ALK: variants seen among roughly 807,000 people sequenced by gnomAD.
The protein encoded by ALK is ALK receptor tyrosine kinase.
ALK carries 74 observed loss-of-function variants against 163.1 expected under a neutral mutation model. That is an observed-to-expected ratio of 0.45 (90% CI 0.38 to 0.55). The LOEUF (loss-of-function observed/expected upper bound fraction) is 0.55, where lower values mean the gene tolerates loss of function less well. Among genes scored for constraint, ALK ranks in the 20% least tolerant of loss-of-function variants. The probability of loss-of-function intolerance (pLI) is 0.00; values close to 1 mark genes in which losing one functional copy is unlikely to be tolerated. For missense variants in ALK, 2,063 were observed against 2,105.3 expected (o/e 0.98, Z 0.39); for synonymous variants, 960 against 843.2 (o/e 1.14, Z -2.40).
In ALK at chr2:29,209,542, CAAAAAAAAAA is replaced by C. The variant is rs76343130; in HGVS notation, c.3836+234_3836+243del. ...GGGCAACAAGAGCGAAACTCCGTCT[CAAAAAAAAAA>C]AAAAAAAAAAAGCTTGGTGTCAATT... On this transcript the variant is annotated intron_variant, in intron 25 of 28. Coordinates refer to ENST00000389048, the MANE Select transcript of ALK (RefSeq NM_004304.5). Among the ~76,000 whole-genome samples, 6,986 of 80,290 alleles carry C rather than the reference CAAAAAAAAAA, an allele frequency of 0.087. 347 individuals are homozygous for C. Among genetic ancestry groups the C allele is most frequent in the African/African-American group, 0.19 (5,020 of 26,188 alleles). 52.7% of individuals were successfully genotyped at this position (80,290 alleles called of 152,430 possible).
intron 1 of ALK, among the ~76,000 whole-genome samples, chr2:29,914,686 T>G (rs543712778): frequency 4.1e-4 from 63 of 152,360 alleles, no homozygotes; most frequent in African/African-American, 1.3e-3. Context: ...TGGGCCTCAA[T>G]GATTTCAAGG....
intron 1 of ALK, among the ~76,000 whole-genome samples, chr2:29,801,849 G>C (rs888410347): frequency 2.6e-5 from 4 of 152,130 alleles, no homozygotes; most frequent in Non-Finnish European, 5.9e-5. Context: ...GGATCCTGAA[G>C]GTCACTTGAC....
chr2:29,501,159 C>G (rs1459621096), intron 4 of ALK, among the ~76,000 whole-genome samples: 1 of 152,204 alleles, frequency 6.6e-6, no homozygotes, highest in Non-Finnish European at 1.5e-5. Context: ...CCTTCTAGAA[C>G]ATCTCTTCAG....
rs185826852 is a variant in ALK, at chr2:29,903,659, A to G, written c.667+16334T>C. On this transcript the variant is annotated intron_variant, in intron 1 of 28. Transcript: ENST00000389048. Reference sequence around the variant, plus strand: ...ACAAAGCAGCTCTGGTGAGTTTACTATATATCCAGAAAAGCATCAAAATAA... The same window carrying G: ...ACAAAGCAGCTCTGGTGAGTTTACTGTATATCCAGAAAAGCATCAAAATAA... 3.3e-5 allele frequency among the ~76,000 whole-genome samples: 5 copies of G among 152,308 alleles called. No homozygotes were observed. The East Asian group carries it at 5.8e-4, about 18-fold the overall frequency.
At chr2:29,906,937 GTTTTTTTTTTTT>G (rs70962250) in intron 1 of ALK, among the ~76,000 whole-genome samples, 6 of 80,042 alleles carry the variant, frequency 7.5e-5, no homozygotes, top group African/African-American at 1.4e-4. Context: ...TACATTTAAG[GTTTTTTTTTTTT>G]TTTTTTTTTT....
At chr2:29,482,933 T>G (rs577133157) in intron 4 of ALK, among the ~76,000 whole-genome samples, 1 of 152,290 alleles carries the variant, frequency 6.6e-6, no homozygotes, top group East Asian at 1.9e-4. Flanking sequence ...AATGGCAGCA[T>G]GCTTTGATTT....
At chr2:29,903,086 A>G (rs1667457214) in intron 1 of ALK, among the ~76,000 whole-genome samples, 1 of 152,096 alleles carries the variant, frequency 6.6e-6, no homozygotes, top group Non-Finnish European at 1.5e-5. Flanking sequence ...AAAATCCTAT[A>G]TTTTTTGTTT....
intron 4 of ALK, among the ~76,000 whole-genome samples, chr2:29,508,932 A>G (rs1017174388): frequency 1.3e-5 from 2 of 152,070 alleles, no homozygotes; most frequent in African/African-American, 4.8e-5. Context: ...CATTATTAAA[A>G]AGATGCCCAG....
chr2:29,881,478 C>A (rs996587862), intron 1 of ALK, among the ~76,000 whole-genome samples: 2 of 152,194 alleles, frequency 1.3e-5, no homozygotes, highest in African/African-American at 2.4e-5. Context: ...ATTGTTCTGA[C>A]TTTGGAGCAA....
chr2:29,403,889 G>A (rs988004724), intron 4 of ALK, among the ~76,000 whole-genome samples: 3 of 152,036 alleles, frequency 2.0e-5, no homozygotes, highest in South Asian at 2.1e-4. Flanking sequence ...CCCAACTTGA[G>A]CAACAGAGAG....
intron 3 of ALK, among the ~76,000 whole-genome samples, chr2:29,619,451 C>G (rs1252965557): frequency 6.6e-6 from 1 of 152,170 alleles, no homozygotes; most frequent in Non-Finnish European, 1.5e-5. Flanking sequence ...ATCGAGCTCT[C>G]CTCTCCCTTC....
At chr2:29,730,878 C>G (rs1450887923) in intron 1 of ALK, among the ~76,000 whole-genome samples, 2 of 152,252 alleles carry the variant, frequency 1.3e-5, no homozygotes, top group Non-Finnish European at 2.9e-5. Flanking sequence ...GAAGGAAGCT[C>G]TGGGTCAGGA....
At chr2:29,436,019 C>T (rs1302598639) in intron 4 of ALK, among the ~76,000 whole-genome samples, 1 of 151,912 alleles carries the variant, frequency 6.6e-6, no homozygotes, top group African/African-American at 2.4e-5. Flanking sequence ...ATTATAAAAC[C>T]ATTGGGAAGA....
At chr2:29,888,964 G>T (rs570303438) in intron 1 of ALK, among the ~76,000 whole-genome samples, 60 of 152,248 alleles carry the variant, frequency 3.9e-4, no homozygotes, top group Non-Finnish European at 6.6e-4. Flanking sequence ...AGTCCTAAGG[G>T]GAATCCCAAT....
intron 2 of ALK, among the ~76,000 whole-genome samples, chr2:29,697,969 A>G (rs1163533168): frequency 6.6e-6 from 1 of 152,170 alleles, no homozygotes; most frequent in African/African-American, 2.4e-5. Flanking sequence ...CACTAACCAA[A>G]CTATTCAATT....
chr2:29,446,641 A>G (rs1670691562), intron 4 of ALK, among the ~76,000 whole-genome samples: 1 of 152,200 alleles, frequency 6.6e-6, no homozygotes. Flanking sequence ...CTGCTATACA[A>G]TGGCAGTAGA....
intron 1 of ALK, among the ~76,000 whole-genome samples, chr2:29,728,519 T>C (rs918154296): frequency 6.6e-6 from 1 of 152,204 alleles, no homozygotes; most frequent in Non-Finnish European, 1.5e-5. Context: ...CCTTTTGACA[T>C]CTTGATGTTG....
chr2:29,469,389 G>A (rs1671292469), intron 4 of ALK, among the ~76,000 whole-genome samples: 1 of 152,166 alleles, frequency 6.6e-6, no homozygotes, highest in Non-Finnish European at 1.5e-5. Flanking sequence ...ACAGGAAAGT[G>A]GCAGGTGGTC....
At chr2:29,702,220 A>G (rs958097145) in intron 2 of ALK, among the ~76,000 whole-genome samples, 1 of 152,180 alleles carries the variant, frequency 6.6e-6, no homozygotes, top group Admixed American at 6.5e-5. Flanking sequence ...CTGTGCTGAA[A>G]AAAAAAGGCA....
Sources: gnomAD v4.1 joint callset for allele counts (sites outside exome capture counted in the v4.1 genomes callset) on GRCh38, gnomAD v4.1.1 for gene constraint, MANE v1.5 for transcripts, NCBI Gene and HGNC (gene_info 2026-07-23, HGNC 2026-07-21) for gene names.